Variants in DENND1B observed in about 807,000 individuals in gnomAD.
DENND1B encodes DENN domain containing 1B, also known as DENN domain-containing protein 1B.
In DENND1B, 59 loss-of-function variants were observed where a neutral mutation model predicts 90.1. The observed-to-expected ratio is 0.65, with a 90% CI of 0.53 to 0.81. The LOEUF (loss-of-function observed/expected upper bound fraction) is 0.81, where lower values mean the gene tolerates loss of function less well. DENND1B is among the 40% of genes least tolerant of loss of function. The pLI is 0.00. For missense variants in DENND1B, 862 were observed against 912.6 expected (o/e 0.94, Z 0.71); for synonymous variants, 337 against 324.6 (o/e 1.04, Z -0.41).
intron 2 of DENND1B, among the ~76,000 whole-genome samples, chr1:197,738,854 C>A (rs988020611): frequency 2.0e-5 from 3 of 152,176 alleles, no homozygotes; most frequent in African/African-American, 7.2e-5. Context: ...GTAAGCCTTA[C>A]AATTGGTCTT....
intron 7 of DENND1B, among the ~76,000 whole-genome samples, chr1:197,647,517 G>C (rs1220026266): frequency 6.6e-6 from 1 of 152,150 alleles, no homozygotes; most frequent in African/African-American, 2.4e-5. Flanking sequence ...CTGAAGATAA[G>C]TGTCCTAGTC....
intron 2 of DENND1B, among the ~76,000 whole-genome samples, chr1:197,731,013 C>G (rs1045102174): frequency 1.3e-5 from 2 of 152,026 alleles, no homozygotes; most frequent in Non-Finnish European, 2.9e-5. Context: ...TACCATATGA[C>G]AACTTCATGA....
chr1:197,511,941 T>C lies in DENND1B; in HGVS notation c.1602A>G (p.Leu534=). Residue 534 remains leucine, a synonymous_variant, in exon 22 of 23, where the codon TTA becomes TTG. Transcript: ENST00000620048. The part of the protein sequence containing the change: ...DDDDIERASK[L]SSEDGEEASA... Reference sequence around the variant, plus strand: ...AAGCTTCTTCACCATCTTCAGAAGATAACCTGAAGAAAAATAAAACACGCA... The same window carrying C: ...AAGCTTCTTCACCATCTTCAGAAGACAACCTGAAGAAAAATAAAACACGCA... 1.2e-6 allele frequency: 2 copies of C among 1,600,600 alleles called. No homozygotes were observed. Among genetic ancestry groups the C allele is most frequent in the South Asian group, 1.1e-5 (1 of 88,442 alleles).
intron 6 of DENND1B, among the ~76,000 whole-genome samples, chr1:197,656,026 A>G (rs1374148028): frequency 1.3e-5 from 2 of 152,150 alleles, no homozygotes; most frequent in Non-Finnish European, 2.9e-5. Flanking sequence ...AAGTTATTAT[A>G]TGTCATGCTG....
chr1:197,757,663 A>G (rs1381689081), intron 2 of DENND1B, among the ~76,000 whole-genome samples: 3 of 152,258 alleles, frequency 2.0e-5, no homozygotes, highest in African/African-American at 4.8e-5. Flanking sequence ...TATCAATGAT[A>G]TAACAGAATC....
In DENND1B at chr1:197,775,395, C is replaced by G; in HGVS notation, c.-240G>C. ...GCAGCGGTGGCGTGGCCGCCGCCCC[C>G]GTCTCCGCCGGTAGCCGCCACCAAA... On this transcript the variant is annotated 5_prime_UTR_variant, in exon 1 of 23. Coordinates refer to ENST00000620048, the MANE Select transcript of DENND1B (RefSeq NM_001195215.2). The G allele has an allele frequency of 6.0e-6, 2 of 330,894 alleles. No individual in the cohort carries two copies. The highest frequency in any genetic ancestry group is 5.5e-6 in the Non-Finnish European group (1 of 182,880). The allele number at this position is 330,894 out of a possible 1,614,324, so 20.5% of individuals were successfully genotyped here. A position where few individuals can be genotyped will look rare whatever the true frequency, so the allele number is the denominator to read the frequency against.
chr1:197,625,310 G>A (rs538863030), intron 10 of DENND1B, among the ~76,000 whole-genome samples: 6 of 152,226 alleles, frequency 3.9e-5, no homozygotes, highest in Non-Finnish European at 7.4e-5. Context: ...ACTAACAGCA[G>A]ATCTCTCAGC....
At chr1:197,554,375 T>C (rs983768143) in intron 15 of DENND1B, among the ~76,000 whole-genome samples, 2 of 151,982 alleles carry the variant, frequency 1.3e-5, no homozygotes, top group African/African-American at 4.8e-5. Context: ...TAACTAATCC[T>C]GACCATTTTT....
intron 10 of DENND1B, among the ~76,000 whole-genome samples, chr1:197,632,046 C>T (rs1453449386): frequency 2.0e-5 from 3 of 152,138 alleles, no homozygotes; most frequent in Admixed American, 2.0e-4. Context: ...AACCCAACCT[C>T]ACCTCCCTCT....
chr1:197,519,641 G>A (rs1668634354), intron 20 of DENND1B, among the ~76,000 whole-genome samples: 1 of 151,902 alleles, frequency 6.6e-6, no homozygotes, highest in South Asian at 2.1e-4. Flanking sequence ...TGCTATGAAA[G>A]CCCTTCAGGA....
chr1:197,735,715 A>G, intron 2 of DENND1B: 2 of 1,613,840 alleles, frequency 1.2e-6, no homozygotes, highest in South Asian at 1.1e-5. Context: ...ACCGACAGGA[A>G]AGTTTTCCAG....
At chr1:197,662,072 C>T (rs925477142) in intron 5 of DENND1B, among the ~76,000 whole-genome samples, 7 of 151,954 alleles carry the variant, frequency 4.6e-5, no homozygotes, top group African/African-American at 7.2e-5. Context: ...CATCCTGGTA[C>T]CAGGCTATGA....
chr1:197,651,220 TATAA>T (rs1425966131), intron 7 of DENND1B, among the ~76,000 whole-genome samples: 2 of 151,982 alleles, frequency 1.3e-5, no homozygotes, highest in Non-Finnish European at 2.9e-5. Context: ...ACAAAATTAA[TATAA>T]ATAAATTTTA....
chr1:197,529,515 C>CT (rs1294348742), intron 20 of DENND1B, among the ~76,000 whole-genome samples: 1 of 151,494 alleles, frequency 6.6e-6, no homozygotes, highest in Non-Finnish European at 1.5e-5. Flanking sequence ...TTAATGTCGA[C>CT]TTGTAATACA....
At chr1:197,514,541 T>C (rs923343677) in intron 20 of DENND1B, among the ~76,000 whole-genome samples, 3 of 151,636 alleles carry the variant, frequency 2.0e-5, no homozygotes, top group African/African-American at 4.8e-5. Context: ...GATTAAATGA[T>C]ATGCTTTTGG....
At chr1:197,755,481 C>T (rs571916201) in intron 2 of DENND1B, among the ~76,000 whole-genome samples, 27 of 150,132 alleles carry the variant, frequency 1.8e-4, no homozygotes, top group Admixed American at 1.3e-3. Flanking sequence ...AAAAAAAGAT[C>T]GGACTTTTAA....
rs76087127 is a variant in DENND1B at position 197,644,307 on chromosome 1, T to C, written c.561+1383A>G. On this transcript the variant is annotated intron_variant, in intron 9 of 22. Coordinates refer to ENST00000620048, the MANE Select transcript of DENND1B (RefSeq NM_001195215.2). The stretch of plus-strand genomic sequence containing the variant: ...ACAGGACTTTCTGCAAAATAAAACA[T>C]GTTAATAGACAAGTAAAAATACATA... Among the ~76,000 whole-genome samples the C allele has an allele frequency of 3.9e-5, 6 of 152,350 alleles. No homozygotes were observed. In the East Asian group the frequency reaches 1.2e-3, roughly 29 times the overall value.
chr1:197,515,749 A>G (rs1231314826), intron 20 of DENND1B, among the ~76,000 whole-genome samples: 1 of 151,778 alleles, frequency 6.6e-6, no homozygotes, highest in East Asian at 1.9e-4. Flanking sequence ...AGCCTTTGAC[A>G]CTAAACAGCT....
chr1:197,736,080 T>C, intron 2 of DENND1B: 1 of 817,204 alleles, frequency 1.2e-6, no homozygotes, highest in South Asian at 1.5e-5. Flanking sequence ...CCGTGAAAGT[T>C]TCAGTTCTCG....
Sources: gnomAD v4.1 joint callset for allele counts (sites outside exome capture counted in the v4.1 genomes callset) on GRCh38, gnomAD v4.1.1 for gene constraint, MANE v1.5 for transcripts, NCBI Gene and HGNC (gene_info 2026-07-23, HGNC 2026-07-21) for gene names.